KCNQ5: variants seen among roughly 807,000 people sequenced by gnomAD.
KCNQ5 encodes potassium voltage-gated channel subfamily KQT member 5.
A neutral mutation model predicts 98.2 loss-of-function variants in KCNQ5; 30 were observed. That is an observed-to-expected ratio of 0.31 (90% CI 0.23 to 0.41). The LOEUF is 0.41. KCNQ5 is among the 10% of genes least tolerant of loss of function. The probability of loss-of-function intolerance (pLI) is 1.00; values close to 1 mark genes in which losing one functional copy is unlikely to be tolerated. For missense variants in KCNQ5, 835 were observed against 1,182.5 expected (o/e 0.71, Z 4.31); for synonymous variants, 458 against 449.4 (o/e 1.02, Z -0.24).
At chr6:72,908,484 A>G (rs1779791217) in intron 1 of KCNQ5, among the ~76,000 whole-genome samples, 1 of 152,126 alleles carries the variant, frequency 6.6e-6, no homozygotes, top group African/African-American at 2.4e-5. Flanking sequence ...TAAACAATAA[A>G]ATTTGTAATT....
chr6:73,004,738 C>G (rs1413203688), intron 2 of KCNQ5, among the ~76,000 whole-genome samples: 1 of 152,028 alleles, frequency 6.6e-6, no homozygotes, highest in Admixed American at 6.6e-5. Flanking sequence ...CTATTTTGAC[C>G]CACTCACTTT....
chr6:72,827,272 C>T (rs1273238029), intron 1 of KCNQ5, among the ~76,000 whole-genome samples: 2 of 152,076 alleles, frequency 1.3e-5, no homozygotes, highest in Non-Finnish European at 2.9e-5. Flanking sequence ...TATAGTCATT[C>T]TATTTGTGGT....
intron 1 of KCNQ5, among the ~76,000 whole-genome samples, chr6:72,713,514 G>A (rs769520109): frequency 3.3e-5 from 5 of 151,938 alleles, no homozygotes; most frequent in Non-Finnish European, 7.4e-5. Context: ...AATGATTTGC[G>A]TTTTCCCAGC....
intron 1 of KCNQ5, among the ~76,000 whole-genome samples, chr6:72,886,274 G>A (rs1778838869): frequency 6.6e-6 from 1 of 152,162 alleles, no homozygotes; most frequent in Non-Finnish European, 1.5e-5. Context: ...CATCATACCT[G>A]AAAGAAGAAT....
intron 1 of KCNQ5, among the ~76,000 whole-genome samples, chr6:72,632,566 C>T (rs1243785917): frequency 6.6e-6 from 1 of 152,082 alleles, no homozygotes; most frequent in Admixed American, 6.5e-5. Flanking sequence ...GTTTTTCAAC[C>T]CATGGCTCTT....
intron 8 of KCNQ5, among the ~76,000 whole-genome samples, chr6:73,121,204 T>G (rs1055786964): frequency 6.6e-6 from 1 of 152,156 alleles, no homozygotes; most frequent in African/African-American, 2.4e-5. Flanking sequence ...TTGGCCAAAG[T>G]AAATCACTCA....
At chr6:73,046,396 A>G (rs1016831637) in intron 3 of KCNQ5, among the ~76,000 whole-genome samples, 12 of 152,154 alleles carry the variant, frequency 7.9e-5, no homozygotes, top group African/African-American at 2.9e-4. Flanking sequence ...GATTAACTGG[A>G]CCATCTGAGG....
intron 1 of KCNQ5, among the ~76,000 whole-genome samples, chr6:72,859,597 G>A (rs1384536796): frequency 2.1e-5 from 3 of 144,890 alleles, no homozygotes; most frequent in Non-Finnish European, 3.0e-5. Flanking sequence ...TTCTTTTGGA[G>A]CCAGGGTCTC....
intron 1 of KCNQ5, among the ~76,000 whole-genome samples, chr6:72,684,237 A>G (rs931819793): frequency 7.9e-5 from 12 of 152,236 alleles, no homozygotes; most frequent in African/African-American, 2.6e-4. Context: ...CCTTAGTCAG[A>G]TCCTGAGGCT....
intron 7 of KCNQ5, among the ~76,000 whole-genome samples, chr6:73,117,421 G>A (rs1457615774): frequency 6.6e-6 from 1 of 152,164 alleles, no homozygotes; most frequent in Non-Finnish European, 1.5e-5. Flanking sequence ...AGTAATGAAG[G>A]GAACAAGAGC....
intron 9 of KCNQ5, among the ~76,000 whole-genome samples, chr6:73,132,354 T>C (rs1330174989): frequency 6.6e-6 from 1 of 152,034 alleles, no homozygotes; most frequent in Non-Finnish European, 1.5e-5. Flanking sequence ...TTGATGACAG[T>C]ATCACCTTCT....
intron 7 of KCNQ5, among the ~76,000 whole-genome samples, chr6:73,120,183 T>C (rs1028560227): frequency 2.0e-5 from 3 of 151,918 alleles, no homozygotes; most frequent in Non-Finnish European, 4.4e-5. Context: ...AAGGCAGAGA[T>C]TGCAATGAGC....
chr6:73,004,005 G>GA lies in KCNQ5; in HGVS notation c.489+10dup. The GA allele has an allele frequency of 2.6e-6, 4 of 1,538,470 alleles. No homozygotes were observed. Among genetic ancestry groups the GA allele is most frequent in the Non-Finnish European group, 3.6e-6 (4 of 1,111,912 alleles). On this transcript the variant is annotated splice_region_variant and intron_variant, in intron 2 of 13. Transcript: ENST00000370398. ...AAGTTGCCTCTTGATCCTGGTAAGT[G>GA]AAACATGAACAAGAACGTACATGAA...
intron 1 of KCNQ5, among the ~76,000 whole-genome samples, chr6:72,661,007 T>C (rs1766493950): frequency 6.6e-6 from 1 of 152,068 alleles, no homozygotes; most frequent in Admixed American, 6.6e-5. Context: ...AATCATACTT[T>C]TTTTCATAAA....
chr6:72,701,180 C>T (rs1768787097), intron 1 of KCNQ5, among the ~76,000 whole-genome samples: 1 of 152,072 alleles, frequency 6.6e-6, no homozygotes, highest in Non-Finnish European at 1.5e-5. Context: ...TGTTAAATAC[C>T]AGTTCAAGGT....
chr6:72,864,524 G>A (rs1777900064), intron 1 of KCNQ5, among the ~76,000 whole-genome samples: 1 of 152,014 alleles, frequency 6.6e-6, no homozygotes. Flanking sequence ...AATTAGCCTG[G>A]TTATTGGCAA....
At chr6:73,158,356 T>A (rs1213427814) in intron 10 of KCNQ5, among the ~76,000 whole-genome samples, 1 of 147,294 alleles carries the variant, frequency 6.8e-6, no homozygotes, top group African/African-American at 2.5e-5. Context: ...AACCTCCGCC[T>A]CCCGGGTTCG....
rs1434168919 is a variant in KCNQ5 at position 72,622,279 on chromosome 6, G to T, written c.90G>T (p.Gly30=). The T allele has an allele frequency of 5.6e-5, 72 of 1,278,172 alleles. No homozygotes were observed. The highest frequency in any genetic ancestry group is 6.9e-5 in the Non-Finnish European group (70 of 1,015,436). The allele number at this position is 1,278,172 out of a possible 1,614,324, so 79.2% of individuals were successfully genotyped here. A position where few individuals can be genotyped will look rare whatever the true frequency, so the allele number is the denominator to read the frequency against. ...CAGCGGCGGCGGCGGCGGGCGGGGG[G>T]CGCTTGGGCAGCGGCATGAAGGATG... ...SGAAAAAAGG[G]RLGSGMKDVE... Residue 30 remains glycine, a synonymous_variant, in exon 1 of 14, where the codon GGG becomes GGT. Transcript: ENST00000370398. This position sits in a 1 kb window ranked among gnomAD's most constrained non-coding sequence, Gnocchi z 6.0.
At chr6:72,705,475 G>A (rs79609888) in intron 1 of KCNQ5, among the ~76,000 whole-genome samples, 95 of 152,178 alleles carry the variant, frequency 6.2e-4, no homozygotes, top group African/African-American at 2.2e-3. Flanking sequence ...TCTTAAAACA[G>A]GAAACTTTAA....
Sources: gnomAD v4.1 joint callset for allele counts (sites outside exome capture counted in the v4.1 genomes callset) on GRCh38, gnomAD v4.1.1 for gene constraint, Gnocchi (gnomAD v3.1) non-coding constraint, MANE v1.5 for transcripts, NCBI Gene and HGNC (gene_info 2026-07-23, HGNC 2026-07-21) for gene names.